MDGA2: variants seen among roughly 807,000 people sequenced by gnomAD.
MDGA2 encodes MAM domain containing glycosylphosphatidylinositol anchor 2.
In MDGA2, 40 loss-of-function variants were observed where a neutral mutation model predicts 117.8. The ratio of observed to expected loss-of-function variants is 0.34; its 90% CI spans 0.26 to 0.44. The LOEUF (loss-of-function observed/expected upper bound fraction) is 0.44. Among genes scored for constraint, MDGA2 ranks in the 20% least tolerant of loss-of-function variants. The probability of loss-of-function intolerance (pLI) is 1.00; values close to 1 mark genes in which losing one functional copy is unlikely to be tolerated. For missense variants in MDGA2, 1,123 were observed against 1,250.6 expected (o/e 0.90, Z 1.54); for synonymous variants, 452 against 439.0 (o/e 1.03, Z -0.37).
chr14:47,092,616 A>G (rs1879722775), intron 6 of MDGA2, among the ~76,000 whole-genome samples: 1 of 152,148 alleles, frequency 6.6e-6, no homozygotes, highest in Non-Finnish European at 1.5e-5. Context: ...GGGACCTGTC[A>G]GCTTTGAAAT....
intron 5 of MDGA2, among the ~76,000 whole-genome samples, chr14:47,105,812 T>G (rs1269319144): frequency 6.6e-6 from 1 of 151,782 alleles, no homozygotes; most frequent in Non-Finnish European, 1.5e-5. Context: ...TAATCTTCCT[T>G]TTCTACAGAC....
chr14:47,628,585 A>C (rs1043477556), intron 1 of MDGA2, among the ~76,000 whole-genome samples: 20 of 152,340 alleles, frequency 1.3e-4, no homozygotes, highest in African/African-American at 4.3e-4. Context: ...CAAATGGGCA[A>C]TTTTCAAAGA....
At chr14:47,108,271 C>A (rs1221401119) in intron 5 of MDGA2, among the ~76,000 whole-genome samples, 1 of 152,146 alleles carries the variant, frequency 6.6e-6, no homozygotes, top group Non-Finnish European at 1.5e-5. Context: ...AACACTTCAA[C>A]ACTATTTTGT....
chr14:47,023,197 GTA>G (rs1888351998), intron 8 of MDGA2, among the ~76,000 whole-genome samples: 1 of 69,616 alleles, frequency 1.4e-5, no homozygotes, highest in African/African-American at 7.4e-5. Context: ...ATTCCCACTC[GTA>G]AAAAAAAAAA....
chr14:47,069,007 G>A (rs1238916142), intron 6 of MDGA2, among the ~76,000 whole-genome samples: 1 of 151,998 alleles, frequency 6.6e-6, no homozygotes, highest in African/African-American at 2.4e-5. Flanking sequence ...TGAAATATCA[G>A]TATTTCCTCT....
chr14:47,139,734 G>GTATATATGTATATGTTTATATAAGGT (rs1882622182), intron 4 of MDGA2, among the ~76,000 whole-genome samples: 3 of 148,074 alleles, frequency 2.0e-5, no homozygotes, highest in Non-Finnish European at 4.5e-5. Context: ...CATCTAAGAA[G>GTATATATGTATATGTTTATATAAGGT]TATATATGTA....
chr14:47,099,524 C>T (rs966189465), intron 5 of MDGA2, among the ~76,000 whole-genome samples: 1 of 152,052 alleles, frequency 6.6e-6, no homozygotes, highest in African/African-American at 2.4e-5. Context: ...TTATAGGTTT[C>T]CATAGCTACC....
At chr14:47,130,903 T>C (rs5002354) in intron 5 of MDGA2, among the ~76,000 whole-genome samples, 28,657 of 152,046 alleles carry the variant, frequency 0.19, 2,916 homozygotes, top group East Asian at 0.31. Context: ...AGTAAAAACT[T>C]ATATACCTAA....
chr14:46,854,101 T>A (rs1406412312), intron 15 of MDGA2, among the ~76,000 whole-genome samples: 4 of 151,704 alleles, frequency 2.6e-5, no homozygotes, highest in African/African-American at 9.7e-5. Flanking sequence ...CAATTAGAAT[T>A]TATAGATTAG....
At chr14:47,426,289 G>A (rs897014355) in intron 1 of MDGA2, among the ~76,000 whole-genome samples, 1 of 151,994 alleles carries the variant, frequency 6.6e-6, no homozygotes, top group African/African-American at 2.4e-5. Flanking sequence ...TGATCTAATG[G>A]TGATTTTTTT....
intron 1 of MDGA2, chr14:47,305,159 T>G (rs943427888): frequency 5.3e-5 from 8 of 152,200 alleles, no homozygotes; most frequent in Non-Finnish European, 1.2e-4. Context: ...ACTTCTTACT[T>G]TAGCAAAATA....
intron 9 of MDGA2, among the ~76,000 whole-genome samples, chr14:46,925,631 CAAAA>C (rs34889177): frequency 9.3e-5 from 6 of 64,588 alleles, no homozygotes; most frequent in African/African-American, 2.4e-4. Context: ...GACTCTACCT[CAAAA>C]AAAAAAAAAA....
chr14:47,494,798 AT>A (rs1894245022), intron 1 of MDGA2, among the ~76,000 whole-genome samples: 1 of 151,012 alleles, frequency 6.6e-6, no homozygotes, highest in Non-Finnish European at 1.5e-5. Context: ...TCCAGTGTAT[AT>A]TTTTTCACTT....
Position 47,208,525 on chromosome 14 carries a change from A to C in MDGA2, c.595+9496T>G, listed in dbSNP as rs1269354739. On this transcript the variant is annotated intron_variant, in intron 3 of 16. Coordinates refer to ENST00000399232, the MANE Select transcript of MDGA2 (RefSeq NM_001113498.3). ...CTTGTACAAATTATATTCCTTCTCT[A>C]AACTCTTTTTTTTTTTTTTTATGAA... 1.8e-5 allele frequency among the ~76,000 whole-genome samples: 2 copies of C among 109,388 alleles called. 1 individual carries two copies. Among genetic ancestry groups the C allele is most frequent in the Non-Finnish European group, 3.6e-5 (2 of 56,330 alleles). 71.8% of individuals were successfully genotyped at this position (109,388 alleles called of 152,430 possible). A position where few individuals can be genotyped will look rare whatever the true frequency, so the allele number is the denominator to read the frequency against.
intron 6 of MDGA2, 38 bp from the exon 7 acceptor site, chr14:47,061,616 T>G: frequency 6.6e-7 from 1 of 1,514,190 alleles, no homozygotes; most frequent in South Asian, 1.2e-5. Context: ...TAGTGTTACT[T>G]TCATAACTTT....
chr14:47,435,972 T>C (rs1892889010), intron 1 of MDGA2, among the ~76,000 whole-genome samples: 1 of 152,108 alleles, frequency 6.6e-6, no homozygotes, highest in Admixed American at 6.6e-5. Context: ...CTGGGGCTCT[T>C]TTCCTTTTTT....
chr14:47,141,848 T>C (rs1429409322), intron 4 of MDGA2, among the ~76,000 whole-genome samples: 1 of 152,168 alleles, frequency 6.6e-6, no homozygotes, highest in South Asian at 2.1e-4. Flanking sequence ...TATGTTTCAA[T>C]ACAGCTAGAC....
At position 47,194,121 on chromosome 14, in the gene MDGA2, C is replaced by T. The variant is rs1187762805; in HGVS notation, c.595+23900G>A. On this transcript the variant is annotated intron_variant, in intron 3 of 16. Coordinates refer to ENST00000399232, the MANE Select transcript of MDGA2 (RefSeq NM_001113498.3). The stretch of plus-strand genomic sequence containing the variant: ...TACTGTATCCTAAATAGCAAAATCA[C>T]ATTCTAATAATAGTGTTGAAATTTA... Among the ~76,000 whole-genome samples, 4 of 152,116 alleles carry T rather than the reference C, an allele frequency of 2.6e-5. No homozygotes were observed. In the East Asian group the frequency reaches 7.7e-4, roughly 29 times the overall value.
rs112206202 is a variant in MDGA2, at chr14:46,938,454, C to A, written c.2090-18294G>T. Among the ~76,000 whole-genome samples the A allele has an allele frequency of 9.3e-3, 1,376 of 147,442 alleles. 10 individuals are homozygous for A. The highest frequency in any genetic ancestry group is 0.014 in the Non-Finnish European group (912 of 67,222). ...CTCGGGAGGGCTGAGGCAGAAGAATCGCCTAAACCCTGGAGGTGGAGGTTG... is the reference window on the plus strand; with the variant it reads ...CTCGGGAGGGCTGAGGCAGAAGAATAGCCTAAACCCTGGAGGTGGAGGTTG... On this transcript the variant is annotated intron_variant, in intron 9 of 16. Transcript: ENST00000399232.
Sources: allele counts gnomAD v4.1 joint callset (sites outside exome capture counted in the v4.1 genomes callset), GRCh38; gene constraint gnomAD v4.1.1; transcripts MANE v1.5; gene names NCBI Gene and HGNC (gene_info 2026-07-23, HGNC 2026-07-21).